Variants in ATP9B observed in about 807,000 individuals in gnomAD.
ATP9B encodes ATPase phospholipid transporting 9B, also known as probable phospholipid-transporting ATPase IIB.
Under a neutral mutation model 146.1 loss-of-function variants are expected in ATP9B, and 110 were observed. The ratio of observed to expected loss-of-function variants is 0.75; its 90% confidence interval spans 0.65 to 0.88. The LOEUF (loss-of-function observed/expected upper bound fraction) is 0.88. Among genes scored for constraint, ATP9B ranks in the 40% least tolerant of loss-of-function variants. The pLI is 0.00. For synonymous variants in ATP9B, 604 were observed against 569.7 expected (o/e 1.06, Z -0.86); for missense variants, 1,499 against 1,496.4 (o/e 1.00, Z -0.03).
intron 15 of ATP9B, among the ~76,000 whole-genome samples, chr18:79,320,985 A>G (rs1248974680): frequency 6.6e-6 from 1 of 152,224 alleles, no homozygotes; most frequent in Non-Finnish European, 1.5e-5. Flanking sequence ...CTTTAGGAAG[A>G]TAATAGACTC....
At chr18:79,144,640 A>G (rs2094555465) in intron 6 of ATP9B, 1 of 152,028 alleles carries the variant, frequency 6.6e-6, no homozygotes, top group Admixed American at 6.5e-5. Flanking sequence ...GGGGTTAGGG[A>G]CCTCTGCTTT....
At chr18:79,145,180 G>A (rs71364800) in intron 6 of ATP9B, 6 of 147,012 alleles carry the variant, frequency 4.1e-5, no homozygotes, top group African/African-American at 1.5e-4. Flanking sequence ...CGGAGCTGGC[G>A]GTGTGCAGAG....
intron 13 of ATP9B, among the ~76,000 whole-genome samples, chr18:79,292,766 T>C (rs1320634167): frequency 6.6e-6 from 1 of 152,046 alleles, no homozygotes; most frequent in Non-Finnish European, 1.5e-5. Flanking sequence ...TTTTGTTTTG[T>C]TTTGTTTTTG....
chr18:79,227,644 A>G (rs2095749838), intron 11 of ATP9B, among the ~76,000 whole-genome samples: 2 of 152,194 alleles, frequency 1.3e-5, no homozygotes, highest in Non-Finnish European at 2.9e-5. Context: ...TGATTTGAGC[A>G]ACCCCTTACC....
intron 4 of ATP9B, among the ~76,000 whole-genome samples, chr18:79,116,977 A>C (rs1401523090): frequency 6.6e-6 from 1 of 151,424 alleles, no homozygotes; most frequent in Non-Finnish European, 1.5e-5. Context: ...TTGATCACAA[A>C]GTCTAAAGAA....
chr18:79,344,089 G>A (rs1207731006), intron 20 of ATP9B, 176 bp from the exon 21 acceptor site: 12 of 637,768 alleles, frequency 1.9e-5, no homozygotes, highest in African/African-American at 5.5e-5. Context: ...GACACACCCA[G>A]CACTGCTGGA....
At chr18:79,353,290 A>T (rs1190232834) in intron 25 of ATP9B, 1 of 152,244 alleles carries the variant, frequency 6.6e-6, no homozygotes, top group African/African-American at 2.4e-5. Context: ...GAAAACACTC[A>T]TGCTTCCACG....
chr18:79,337,729 G>A (rs1429710912), intron 19 of ATP9B, among the ~76,000 whole-genome samples: 1 of 152,182 alleles, frequency 6.6e-6, no homozygotes, highest in African/African-American at 2.4e-5. Flanking sequence ...CAGCCCTGGC[G>A]ATGTCAAACT....
intron 11 of ATP9B, among the ~76,000 whole-genome samples, chr18:79,220,648 A>AT (rs2095668528): frequency 6.6e-6 from 1 of 152,174 alleles, no homozygotes; most frequent in Non-Finnish European, 1.5e-5. Context: ...ACTATTGTAG[A>AT]TTGTATGTCA....
chr18:79,310,333 T>C (rs1190099896), intron 15 of ATP9B, among the ~76,000 whole-genome samples: 1 of 152,206 alleles, frequency 6.6e-6, no homozygotes, highest in African/African-American at 2.4e-5. Context: ...AATATACAAC[T>C]ATGCGTTCAG....
chr18:79,277,772 A>G (rs1206436761), intron 13 of ATP9B, among the ~76,000 whole-genome samples: 1 of 152,228 alleles, frequency 6.6e-6, no homozygotes, highest in Non-Finnish European at 1.5e-5. Flanking sequence ...ATCTGGTACT[A>G]TAAGGAAAGC....
chr18:79,194,290 A>G (rs2095397330), intron 9 of ATP9B: 1 of 152,264 alleles, frequency 6.6e-6, no homozygotes, highest in African/African-American at 2.4e-5. Context: ...AAAGGTATTT[A>G]TGTAACCACT....
intron 2 of ATP9B, among the ~76,000 whole-genome samples, chr18:79,108,480 A>G (rs1006818501): frequency 1.3e-5 from 2 of 152,180 alleles, no homozygotes; most frequent in African/African-American, 2.4e-5. Flanking sequence ...ACTTGAAAGT[A>G]TGCTTTCAGT....
rs551688019 is a variant in ATP9B at position 79,334,306 on chromosome 18, G to A, written c.2029-2322G>A. ...CGGGAGGCAGAGCTTGCAGTGAGCC[G>A]AGATCGTGCCACTGCACTCCAGCCT... On this transcript the variant is annotated intron_variant, in intron 17 of 29. Transcript: ENST00000426216. Among the ~76,000 whole-genome samples, 480 of 152,128 alleles carry A rather than the reference G, an allele frequency of 3.2e-3. 3 individuals carry two copies. The highest frequency in any genetic ancestry group is 0.011 in the African/African-American group (455 of 41,482).
At chr18:79,103,857 C>T (rs1006652673) in intron 2 of ATP9B, among the ~76,000 whole-genome samples, 1 of 152,012 alleles carries the variant, frequency 6.6e-6, no homozygotes, top group Admixed American at 6.6e-5. Flanking sequence ...GCCCCCACGA[C>T]GTTGTGAATT....
At chr18:79,275,584 C>T (rs1490219491) in intron 12 of ATP9B, among the ~76,000 whole-genome samples, 2 of 152,222 alleles carry the variant, frequency 1.3e-5, no homozygotes, top group Admixed American at 1.3e-4. Context: ...ATAAAGGTTT[C>T]GTCTCTAGCC....
At chr18:79,256,263 A>ATATATATATATATATATATATATATG (rs1568508646) in intron 12 of ATP9B, among the ~76,000 whole-genome samples, 4 of 125,932 alleles carry the variant, frequency 3.2e-5, no homozygotes, top group African/African-American at 1.3e-4. Context: ...CTAGCTATAT[A>ATATATATATATATATATATATATATG]TATATATATA....
chr18:79,091,570 C>T (rs1371225697), intron 1 of ATP9B, among the ~76,000 whole-genome samples: 2 of 152,018 alleles, frequency 1.3e-5, no homozygotes, highest in East Asian at 1.9e-4. Context: ...TTTAAAATTT[C>T]TTTTTCACAG....
intron 1 of ATP9B, among the ~76,000 whole-genome samples, chr18:79,072,402 C>T (rs2071966320): frequency 6.6e-6 from 1 of 152,192 alleles, no homozygotes; most frequent in Non-Finnish European, 1.5e-5. Flanking sequence ...GCACATCTTG[C>T]ACCGCCCTTA....
Sources: gnomAD v4.1 joint callset for allele counts (sites outside exome capture counted in the v4.1 genomes callset) on GRCh38, gnomAD v4.1.1 for gene constraint, MANE v1.5 for transcripts, NCBI Gene and HGNC (gene_info 2026-07-23, HGNC 2026-07-21) for gene names.